GRIN2A: variants seen among roughly 807,000 people sequenced by gnomAD.
The protein encoded by GRIN2A is glutamate receptor ionotropic, NMDA 2A.
A neutral mutation model predicts 113.4 loss-of-function variants in GRIN2A; 22 were observed. That is an observed-to-expected ratio of 0.19 (90% CI 0.14 to 0.28). The LOEUF is 0.28. GRIN2A is among the 10% of genes least tolerant of loss of function. The pLI, the probability that GRIN2A is intolerant of heterozygous loss-of-function variation, is 1.00. For synonymous variants in GRIN2A, 827 were observed against 738.4 expected (o/e 1.12, Z -1.94); for missense variants, 1,502 against 1,887.0 (o/e 0.80, Z 3.78).
At chr16:10,107,270 T>C (rs2048518069) in intron 2 of GRIN2A, among the ~76,000 whole-genome samples, 1 of 152,176 alleles carries the variant, frequency 6.6e-6, no homozygotes, top group Non-Finnish European at 1.5e-5. Context: ...GATAACAAGA[T>C]ATATCCATGT....
Position 9,938,499 on chromosome 16 carries a change from G to T in GRIN2A, c.467C>A (p.Thr156Lys). 1 of 1,611,384 alleles carries T rather than the reference G, an allele frequency of 6.2e-7. No individual in the cohort carries two copies. Among genetic ancestry groups the T allele is most frequent in the Non-Finnish European group, 8.5e-7 (1 of 1,179,946 alleles). Residue 156 changes from threonine to lysine, a missense_variant, in exon 3 of 13, where the codon ACG (threonine) becomes AAG (lysine). By Grantham distance (78) the Thr-to-Lys change is moderately conservative. Coordinates refer to ENST00000330684, the MANE Select transcript of GRIN2A (RefSeq NM_001134407.3). ...ATCCTGCATGATCTTCAGCATGACC[G>T]TGGCTTGCTGCTGGATGGACGCTCC... The part of the protein sequence containing the change: ...QFGASIQQQA[T>K]VMLKIMQDYD...
At chr16:9,828,919 T>C (rs979977904) in intron 9 of GRIN2A, among the ~76,000 whole-genome samples, 1 of 152,214 alleles carries the variant, frequency 6.6e-6, no homozygotes, top group Admixed American at 6.5e-5. Flanking sequence ...GAAGCGCTGA[T>C]GCTGAGACTG....
intron 2 of GRIN2A, among the ~76,000 whole-genome samples, chr16:10,147,216 A>T (rs758127120): frequency 1.3e-5 from 2 of 152,154 alleles, no homozygotes; most frequent in Admixed American, 6.5e-5. Context: ...CTTAACGAGC[A>T]GCAATTTTGC....
intron 2 of GRIN2A, among the ~76,000 whole-genome samples, chr16:10,039,767 A>AGGGAGAGGGAGGGGGAGG (rs2047109130): frequency 2.1e-5 from 1 of 48,598 alleles, no homozygotes. Context: ...TGTGCAAGGG[A>AGGGAGAGGGAGGGGGAGG]GGGAGAGGGA....
At chr16:10,126,211 G>A (rs965635093) in intron 2 of GRIN2A, among the ~76,000 whole-genome samples, 4 of 150,690 alleles carry the variant, frequency 2.7e-5, no homozygotes, top group African/African-American at 9.8e-5. Context: ...CGCCCAGGCT[G>A]GAATGCAGTG....
intron 2 of GRIN2A, among the ~76,000 whole-genome samples, chr16:10,127,335 T>C (rs1170691709): frequency 6.6e-6 from 1 of 152,074 alleles, no homozygotes; most frequent in East Asian, 1.9e-4. Flanking sequence ...TCCATGAAAA[T>C]GTGGAGCTCC....
chr16:10,034,438 G>A (rs1958677290), intron 2 of GRIN2A, among the ~76,000 whole-genome samples: 1 of 148,430 alleles, frequency 6.7e-6, no homozygotes, highest in Non-Finnish European at 1.5e-5. Flanking sequence ...GGCAGGAGAA[G>A]TGCTTGAACC....
At chr16:10,119,954 G>T (rs972703265) in intron 2 of GRIN2A, among the ~76,000 whole-genome samples, 1 of 152,176 alleles carries the variant, frequency 6.6e-6, no homozygotes, top group Non-Finnish European at 1.5e-5. Flanking sequence ...TGCTGTATAT[G>T]TACCAGATTT....
intron 4 of GRIN2A, among the ~76,000 whole-genome samples, chr16:9,852,776 TC>T (rs34804813): frequency 6.6e-5 from 10 of 152,354 alleles, no homozygotes; most frequent in African/African-American, 2.2e-4. Flanking sequence ...TTCTTCACTT[TC>T]CCTGCCTATA....
chr16:9,822,025 C>A (rs1198582313), intron 10 of GRIN2A, among the ~76,000 whole-genome samples: 2 of 152,042 alleles, frequency 1.3e-5, no homozygotes, highest in Non-Finnish European at 2.9e-5. Flanking sequence ...TTTAAGAAAC[C>A]CCTCTGTTTC....
chr16:9,836,003 C>G (rs1375553425), intron 7 of GRIN2A, among the ~76,000 whole-genome samples: 2 of 152,138 alleles, frequency 1.3e-5, no homozygotes, highest in Non-Finnish European at 2.9e-5. Flanking sequence ...TTTATTTTAA[C>G]TTTAGCTTGA....
intron 2 of GRIN2A, among the ~76,000 whole-genome samples, chr16:10,109,462 T>C (rs1305308593): frequency 1.3e-5 from 2 of 152,092 alleles, no homozygotes; most frequent in African/African-American, 4.8e-5. Flanking sequence ...GAGGAAGCCA[T>C]TATAAGGAAA....
intron 2 of GRIN2A, among the ~76,000 whole-genome samples, chr16:9,948,064 G>A (rs1481392263): frequency 1.3e-5 from 2 of 152,120 alleles, no homozygotes; most frequent in Admixed American, 6.5e-5. Context: ...CATGGCAAAG[G>A]AGCTCTTATC....
chr16:9,825,226 A>G (rs1047047306), intron 9 of GRIN2A, among the ~76,000 whole-genome samples: 3 of 152,178 alleles, frequency 2.0e-5, no homozygotes, highest in Admixed American at 1.3e-4. Flanking sequence ...GCAACCAGTT[A>G]AGCTCCTGAG....
intron 2 of GRIN2A, among the ~76,000 whole-genome samples, chr16:9,989,515 T>C (rs2046058388): frequency 1.3e-5 from 2 of 151,302 alleles, no homozygotes; most frequent in South Asian, 2.1e-4. Flanking sequence ...CAAAAGCAAA[T>C]GCAACAAAAA....
chr16:10,076,751 T>C (rs1164855385), intron 2 of GRIN2A, among the ~76,000 whole-genome samples: 1 of 152,142 alleles, frequency 6.6e-6, no homozygotes, highest in Non-Finnish European at 1.5e-5. Context: ...CTGTGAACAT[T>C]CCATCTGCAG....
At chr16:10,159,102 C>G (rs1028645693) in intron 2 of GRIN2A, among the ~76,000 whole-genome samples, 31 of 152,120 alleles carry the variant, frequency 2.0e-4, no homozygotes, top group Admixed American at 1.9e-3. Context: ...CAAAAATAAG[C>G]TTCTGTGATT....
At chr16:9,779,427 G>C (rs556491471) in intron 11 of GRIN2A, among the ~76,000 whole-genome samples, 6 of 152,274 alleles carry the variant, frequency 3.9e-5, no homozygotes, top group African/African-American at 1.2e-4. Flanking sequence ...ACTTCCATTT[G>C]ATCTGTATTC....
chr16:9,871,203 C>G (rs2043254232), intron 4 of GRIN2A, among the ~76,000 whole-genome samples: 1 of 152,176 alleles, frequency 6.6e-6, no homozygotes, highest in Admixed American at 6.5e-5. Context: ...ACTTCCTCAC[C>G]TGTCAACCAC....
Sources: allele counts gnomAD v4.1 joint callset (sites outside exome capture counted in the v4.1 genomes callset), GRCh38; gene constraint gnomAD v4.1.1; transcripts MANE v1.5; gene names NCBI Gene and HGNC (gene_info 2026-07-23, HGNC 2026-07-21).